MCF2L2: variants seen among roughly 807,000 people sequenced by gnomAD.
The protein encoded by MCF2L2 is probable guanine nucleotide exchange factor MCF2L2.
A neutral mutation model predicts 150.2 loss-of-function variants in MCF2L2; 102 were observed. That is an observed-to-expected ratio of 0.68 (90% CI 0.58 to 0.80). MCF2L2 has a LOEUF of 0.80. MCF2L2 is among the 30% of genes least tolerant of loss of function. The pLI is 0.00. For missense variants in MCF2L2, 1,256 were observed against 1,372.8 expected (o/e 0.91, Z 1.34); for synonymous variants, 465 against 491.3 (o/e 0.95, Z 0.71).
intron 2 of MCF2L2, 65 bp downstream of exon 2, chr3:183,389,631 G>T: frequency 7.4e-7 from 1 of 1,357,132 alleles, no homozygotes; most frequent in Non-Finnish European, 1.1e-6. Context: ...AGGTTCAAGA[G>T]GCTGGACCTT....
Position 183,270,757 on chromosome 3 carries a change from T to C in MCF2L2, c.1862+6115A>G. ...CATCCCTGCATCTATGAAAAAATGA[T>C]GACATCTCATGGACACTTAGAAGAT... On this transcript the variant is annotated intron_variant, in intron 15 of 29. Coordinates refer to ENST00000328913, the MANE Select transcript of MCF2L2 (RefSeq NM_015078.4). The surrounding 1 kb of genome is among the most constrained non-coding windows in gnomAD (Gnocchi z 4.5). The C allele has an allele frequency of 1.2e-6, 2 of 1,613,726 alleles. No individual in the cohort carries two copies. The highest frequency in any genetic ancestry group is 1.7e-6 in the Non-Finnish European group (2 of 1,179,910).
At chr3:183,259,028 AT>A (rs1198510506) in intron 15 of MCF2L2, among the ~76,000 whole-genome samples, 6 of 151,888 alleles carry the variant, frequency 4.0e-5, no homozygotes, top group Admixed American at 6.6e-5. Context: ...ACGACCATAA[AT>A]TTTTTTTTCA....
At position 183,371,478 on chromosome 3, in the gene MCF2L2, T is replaced by C. The variant is rs961537033; in HGVS notation, c.275+7819A>G. Among the ~76,000 whole-genome samples the C allele has an allele frequency of 3.9e-4, 59 of 149,596 alleles. 1 individual carries two copies. Among genetic ancestry groups the C allele is most frequent in the African/African-American group, 1.4e-3 (56 of 40,600 alleles). On this transcript the variant is annotated intron_variant, in intron 3 of 29. Transcript: ENST00000328913. ...TCTCTGAGAAGCCTTTTTTTTTTTT[T>C]TTTTTTTGAGACGGAGTCTCACTGT...
At chr3:183,278,858 T>C (rs996404672) in intron 14 of MCF2L2, among the ~76,000 whole-genome samples, 2 of 152,224 alleles carry the variant, frequency 1.3e-5, no homozygotes, top group Admixed American at 1.3e-4. Context: ...CCCTAATTTA[T>C]AGATTTTGTC....
intron 3 of MCF2L2, among the ~76,000 whole-genome samples, chr3:183,356,217 T>C (rs1464234331): frequency 2.2e-5 from 3 of 138,312 alleles, no homozygotes; most frequent in African/African-American, 5.2e-5. Flanking sequence ...CTCTTTATTA[T>C]AAAAAAAAAA....
chr3:183,380,096 T>C (rs900090785), intron 2 of MCF2L2, among the ~76,000 whole-genome samples: 1 of 152,178 alleles, frequency 6.6e-6, no homozygotes, highest in African/African-American at 2.4e-5. Flanking sequence ...TTCAAGAATT[T>C]ATAAATAGTA....
chr3:183,297,054 G>A lies in MCF2L2; in HGVS notation c.1419C>T (p.Gly473=), dbSNP rs761008773. ...TGAGCAACGGGTACTCCTTGACTGT[G>A]CCCAGGAATGTCGCAATGTCGTTCA... ...IALNDIATFL[G]TVKEYPLLSP... The change falls in exon 12 of 30, where the codon GGC becomes GGT. Residue 473 remains glycine, a synonymous_variant. Coordinates refer to ENST00000328913, the MANE Select transcript of MCF2L2 (RefSeq NM_015078.4). 1.9e-6 allele frequency: 3 copies of A among 1,614,158 alleles called. No individual in the cohort carries two copies. Among genetic ancestry groups the A allele is most frequent in the Non-Finnish European group, 2.5e-6 (3 of 1,180,036 alleles).
intron 5 of MCF2L2, among the ~76,000 whole-genome samples, chr3:183,326,955 A>G (rs1013898189): frequency 6.6e-6 from 1 of 152,200 alleles, no homozygotes; most frequent in African/African-American, 2.4e-5. Flanking sequence ...ACAACCGGAC[A>G]TTCATATGTA....
chr3:183,247,270 C>G (rs557383685), intron 15 of MCF2L2, among the ~76,000 whole-genome samples: 27 of 152,294 alleles, frequency 1.8e-4, no homozygotes, highest in African/African-American at 6.3e-4. Flanking sequence ...ACTTTTCTGA[C>G]TCTGCTCCTT....
At chr3:183,423,783 C>T (rs1266818879) in intron 1 of MCF2L2, among the ~76,000 whole-genome samples, 1 of 151,998 alleles carries the variant, frequency 6.6e-6, no homozygotes, top group Non-Finnish European at 1.5e-5. Context: ...GGATTACAGG[C>T]ATGCATCACC....
intron 2 of MCF2L2, among the ~76,000 whole-genome samples, chr3:183,381,302 G>A (rs1228746362): frequency 4.6e-5 from 7 of 152,176 alleles, no homozygotes; most frequent in African/African-American, 1.7e-4. Flanking sequence ...CTATAGAAGA[G>A]GAGGACTCAG....
intron 25 of MCF2L2, among the ~76,000 whole-genome samples, chr3:183,200,867 T>G (rs1722254604): frequency 6.6e-6 from 1 of 152,220 alleles, no homozygotes; most frequent in African/African-American, 2.4e-5. Context: ...CCAGCACTAT[T>G]TATTAAATAG....
rs561981975 is a variant in MCF2L2, at chr3:183,191,324, G to A, written c.3016+1675C>T. On this transcript the variant is annotated intron_variant, in intron 27 of 29. Coordinates refer to ENST00000328913, the MANE Select transcript of MCF2L2 (RefSeq NM_015078.4). ...GGCACATTTGTTACAATGGATGAAC[G>A]TATACACTGAATATATCATATTCAC... Among the ~76,000 whole-genome samples the A allele has an allele frequency of 7.2e-5, 11 of 152,290 alleles. 1 individual carries two copies. The highest frequency in any genetic ancestry group is 2.6e-4 in the African/African-American group (11 of 41,558).
At chr3:183,203,651 T>C (rs982249314) in intron 25 of MCF2L2, among the ~76,000 whole-genome samples, 12 of 152,176 alleles carry the variant, frequency 7.9e-5, no homozygotes, top group Non-Finnish European at 1.2e-4. Flanking sequence ...GAGAGAGGGA[T>C]AAATGGGCTA....
intron 5 of MCF2L2, among the ~76,000 whole-genome samples, chr3:183,325,160 T>C (rs1316385171): frequency 6.6e-6 from 1 of 150,414 alleles, no homozygotes; most frequent in Non-Finnish European, 1.5e-5. Flanking sequence ...GAGATATACC[T>C]AATGCTAAAT....
At chr3:183,281,355 A>T (rs1398266801) in intron 14 of MCF2L2, among the ~76,000 whole-genome samples, 1 of 145,184 alleles carries the variant, frequency 6.9e-6, no homozygotes, top group Non-Finnish European at 1.5e-5. Context: ...AAGAGGGGGA[A>T]CCTCACCTTT....
At position 183,179,364 on chromosome 3, in the gene MCF2L2, G is replaced by T; in HGVS notation, c.*16C>A. On this transcript the variant is annotated 3_prime_UTR_variant, in exon 30 of 30. Coordinates refer to ENST00000328913, the MANE Select transcript of MCF2L2 (RefSeq NM_015078.4). This position sits in a 1 kb window ranked among gnomAD's most constrained non-coding sequence, Gnocchi z 4.2. The stretch of plus-strand genomic sequence containing the variant: ...GGGCGCTCTGGAGCCGAGGAGCGGG[G>T]GCGTCCGCAGGGAGGTCAGCTCTCC... 1 of 1,435,556 alleles carries T rather than the reference G, an allele frequency of 7.0e-7. No individual in the cohort carries two copies. The allele number at this position is 1,435,556 out of a possible 1,614,324, so 88.9% of individuals were successfully genotyped here.
intron 15 of MCF2L2, chr3:183,271,378 A>C (rs1246760375): frequency 6.0e-6 from 1 of 167,882 alleles, no homozygotes; most frequent in Admixed American, 6.5e-5. Flanking sequence ...TGGAGGTAGT[A>C]GGGGCAGGGA....
chr3:183,415,417 C>T (rs1033583460), intron 1 of MCF2L2, among the ~76,000 whole-genome samples: 1 of 152,160 alleles, frequency 6.6e-6, no homozygotes, highest in Non-Finnish European at 1.5e-5. Flanking sequence ...AAACTCCTGA[C>T]CTCAAGTGAT....
Sources: allele counts gnomAD v4.1 joint callset (sites outside exome capture counted in the v4.1 genomes callset), GRCh38; gene constraint gnomAD v4.1.1; non-coding constraint Gnocchi (gnomAD v3.1); transcripts MANE v1.5; gene names NCBI Gene and HGNC (gene_info 2026-07-23, HGNC 2026-07-21).